Variants in PHF14 observed in about 807,000 individuals in gnomAD.
PHF14 encodes the protein PHD finger protein 14.
PHF14 carries 55 observed loss-of-function variants against 117.9 expected under a neutral mutation model. That is an observed-to-expected ratio of 0.47 (90% CI 0.38 to 0.58). The LOEUF (loss-of-function observed/expected upper bound fraction) is 0.58. PHF14 is among the 20% of genes least tolerant of loss of function. PHF14 has a pLI of 0.00. For missense variants in PHF14, 978 were observed against 1,122.2 expected, an observed-to-expected ratio of 0.87 and a Z score of 1.84; for synonymous variants, 409 against 368.6, an observed-to-expected ratio of 1.11 and a Z score of -1.26.
intron 16 of PHF14, among the ~76,000 whole-genome samples, chr7:11,076,135 G>A (rs909051387): frequency 1.3e-5 from 2 of 152,102 alleles, no homozygotes; most frequent in Non-Finnish European, 1.5e-5. Flanking sequence ...AGAAAGTTGC[G>A]TAACTAGAAA....
In PHF14 at chr7:11,028,704, T is replaced by C; in HGVS notation, c.1341T>C (p.Pro447=). ...GAKECSFCED[P]RFARTGVCIS... ...AGGAGTGTAGCTTTTGTGAAGACCC[T>C]CGCTTTGCTAGAACTGGGGTTTGCA... Residue 447 remains proline, a synonymous_variant, in exon 7 of 18, where the codon CCT becomes CCC. Coordinates refer to ENST00000634607, the MANE Select transcript of PHF14 (RefSeq NM_001007157.2). 1 of 1,613,770 alleles carries C rather than the reference T, an allele frequency of 6.2e-7. No individual in the cohort carries two copies. The highest frequency in any genetic ancestry group is 8.5e-7 in the Non-Finnish European group (1 of 1,179,744).
intron 4 of PHF14, among the ~76,000 whole-genome samples, chr7:11,009,358 T>G (rs1003732849): frequency 5.1e-4 from 77 of 152,160 alleles, no homozygotes; most frequent in Non-Finnish European, 8.7e-4. Flanking sequence ...TCAAAACAAT[T>G]GTAAACACAT....
chr7:10,987,565 T>C (rs1374373041), intron 3 of PHF14, among the ~76,000 whole-genome samples: 1 of 152,218 alleles, frequency 6.6e-6, no homozygotes, highest in African/African-American at 2.4e-5. Context: ...TTTATTCATA[T>C]ACTGTCATTT....
intron 17 of PHF14, among the ~76,000 whole-genome samples, chr7:11,127,973 C>T (rs1363136157): frequency 1.3e-5 from 2 of 152,110 alleles, no homozygotes; most frequent in Middle Eastern, 3.4e-3. Context: ...GACCTCCAGG[C>T]CACCATTTAC....
chr7:11,025,077 C>G (rs772140600), intron 6 of PHF14, among the ~76,000 whole-genome samples: 1 of 152,076 alleles, frequency 6.6e-6, no homozygotes, highest in Non-Finnish European at 1.5e-5. Context: ...TTGATTGCAG[C>G]CTTCATGGAT....
chr7:10,985,636 C>CCGGTTTTTTTTTTTTTTTTT (rs750860479), intron 3 of PHF14, among the ~76,000 whole-genome samples: 3 of 90,862 alleles, frequency 3.3e-5, no homozygotes, highest in East Asian at 4.1e-4. Flanking sequence ...GATTCTCAAA[C>CCGGTTTTTTTTTTTTTTTTT]TGTTTTTTTT....
chr7:11,057,215 T>G (rs953963681), intron 14 of PHF14, among the ~76,000 whole-genome samples: 4 of 152,170 alleles, frequency 2.6e-5, no homozygotes, highest in Non-Finnish European at 4.4e-5. Flanking sequence ...TTAGTTCATT[T>G]GCCAAATGAA....
At chr7:11,021,980 T>A (rs1783751634) in intron 5 of PHF14, among the ~76,000 whole-genome samples, 1 of 152,160 alleles carries the variant, frequency 6.6e-6, no homozygotes, top group Admixed American at 6.5e-5. Context: ...AATAGAGATT[T>A]GCTGCTGTGA....
At chr7:11,049,436 C>G (rs931727271) in intron 13 of PHF14, among the ~76,000 whole-genome samples, 1 of 147,098 alleles carries the variant, frequency 6.8e-6, no homozygotes, top group South Asian at 2.1e-4. Flanking sequence ...GATCGTGCCA[C>G]TGGACTCCAG....
rs535459853 is a variant in PHF14, at chr7:11,085,424, T to C, written c.2654+23339T>C. ...TTGAAGCTATCATTGATGTAACCTT[T>C]TGTGTAATGTATTGGATCTTAATGG... On this transcript the variant is annotated intron_variant, in intron 16 of 17. Coordinates refer to ENST00000634607, the MANE Select transcript of PHF14 (RefSeq NM_001007157.2). 3.9e-5 allele frequency among the ~76,000 whole-genome samples: 6 copies of C among 152,306 alleles called. No individual in the cohort carries two copies. The South Asian group carries it at 1.2e-3, about 32-fold the overall frequency.
chr7:11,067,749 G>C (rs1167561107), intron 16 of PHF14, among the ~76,000 whole-genome samples: 1 of 152,144 alleles, frequency 6.6e-6, no homozygotes, highest in Non-Finnish European at 1.5e-5. Flanking sequence ...AGGACCTCAA[G>C]GTGCTTTCAC....
chr7:11,145,556 A>G (rs1013646462), intron 17 of PHF14, among the ~76,000 whole-genome samples: 3 of 152,112 alleles, frequency 2.0e-5, no homozygotes, highest in African/African-American at 7.2e-5. Flanking sequence ...ACTTTTTATA[A>G]TTATGAAAGC....
At chr7:11,060,260 A>C (rs1010755979) in intron 14 of PHF14, among the ~76,000 whole-genome samples, 1 of 152,184 alleles carries the variant, frequency 6.6e-6, no homozygotes, top group African/African-American at 2.4e-5. Context: ...TATTTTATTA[A>C]AACAAGTTAA....
chr7:11,024,753 A>T (rs1031140320), intron 6 of PHF14, among the ~76,000 whole-genome samples: 8 of 152,210 alleles, frequency 5.3e-5, no homozygotes, highest in African/African-American at 1.7e-4. Context: ...ATTACTGCTT[A>T]TCGACAGTGC....
intron 1 of PHF14, 37 bp downstream of exon 1, chr7:10,974,361 T>C: frequency 1.3e-6 from 2 of 1,566,608 alleles, no homozygotes; most frequent in South Asian, 2.3e-5. Flanking sequence ...GAGAGGTCCA[T>C]TTCAGCCATT....
intron 17 of PHF14, among the ~76,000 whole-genome samples, chr7:11,125,681 G>T (rs1214522981): frequency 6.6e-6 from 1 of 151,798 alleles, no homozygotes; most frequent in South Asian, 2.1e-4. Context: ...ACCTCTTTTT[G>T]TGATTTCAGA....
chr7:11,130,285 G>A lies in PHF14; in HGVS notation c.2772+18818G>A, dbSNP rs971406886. Among the ~76,000 whole-genome samples the A allele has an allele frequency of 6.6e-6, 1 of 152,028 alleles. No homozygotes were observed. The highest frequency in any genetic ancestry group is 1.5e-5 in the Non-Finnish European group (1 of 67,964). On this transcript the variant is annotated intron_variant, in intron 17 of 17. Coordinates refer to ENST00000634607, the MANE Select transcript of PHF14 (RefSeq NM_001007157.2). The surrounding 1 kb of genome is among the most constrained non-coding windows in gnomAD (Gnocchi z 4.2). ...ACCTAACTTTAAGAAGCCAGTAAGT[G>A]TAATGCTACCACCATATGCTACCAT...
At chr7:10,986,118 G>A (rs1488413690) in intron 3 of PHF14, among the ~76,000 whole-genome samples, 1 of 151,580 alleles carries the variant, frequency 6.6e-6, no homozygotes, top group East Asian at 1.9e-4. Context: ...ACAGGTGTAC[G>A]ACAACGACTG....
At chr7:11,151,980 A>G (rs1427882467) in intron 17 of PHF14, among the ~76,000 whole-genome samples, 3 of 152,170 alleles carry the variant, frequency 2.0e-5, no homozygotes, top group African/African-American at 7.2e-5. Context: ...GTATACCACA[A>G]TAAATCCTAA....
Sources: allele counts gnomAD v4.1 joint callset (sites outside exome capture counted in the v4.1 genomes callset), GRCh38; gene constraint gnomAD v4.1.1; non-coding constraint Gnocchi (gnomAD v3.1); transcripts MANE v1.5; gene names NCBI Gene and HGNC (gene_info 2026-07-23, HGNC 2026-07-21).